The following LRRC71 variants were observed in gnomAD, a reference collection of about 807,000 sequenced individuals.
LRRC71 encodes the protein leucine rich repeat containing 71, also known as leucine-rich repeat-containing protein 71.
LRRC71 carries 54 observed loss-of-function variants against 66.6 expected under a neutral mutation model. The observed-to-expected ratio is 0.81, with a 90% CI of 0.65 to 1.02. The LOEUF (loss-of-function observed/expected upper bound fraction) is 1.02. LRRC71 is among the 50% of genes least tolerant of loss of function. The probability of loss-of-function intolerance (pLI) is 0.00; values close to 1 mark genes in which losing one functional copy is unlikely to be tolerated. For synonymous variants in LRRC71, 323 were observed against 303.9 expected (o/e 1.06, Z -0.65); for missense variants, 724 against 718.0 (o/e 1.01, Z -0.10).
downstream of LRRC71, chr1:156,935,859 C>T (rs1057152000): frequency 4.2e-6 from 4 of 961,818 alleles, no homozygotes; most frequent in African/African-American, 5.0e-5. Context: ...GGGTCTCCCC[C>T]CGGGCCTTGG....
the LRRC71 span, chr1:156,938,347 T>G: frequency 7.1e-7 from 1 of 1,414,072 alleles, no homozygotes; most frequent in East Asian, 2.4e-5. Flanking sequence ...TGGGCAGGGG[T>G]CCGACTCTGC....
At chr1:156,931,817 G>A in intron 12 of LRRC71, 99 bp from the exon 13 acceptor site, 1 of 935,332 alleles carries the variant, frequency 1.1e-6, no homozygotes, top group Non-Finnish European at 1.7e-6. Context: ...CTGGACTATA[G>A]CCGGCAGTCA....
chr1:156,927,235 G>T lies in LRRC71; in HGVS notation c.627G>T (p.Glu209Asp). ...CTCTGGAGGGGAACCCACTGCCGGA[G>T]CAGTCCTATCACAAGCTCATGGCCT... ...KVSLEGNPLPEQSYHKLMALD... is the reference protein window; with the variant it reads ...KVSLEGNPLPDQSYHKLMALD... Residue 209 changes from glutamate to aspartate, a missense_variant, in exon 6 of 15, where the codon GAG (glutamate) becomes GAT (aspartate). Transcript: ENST00000337428. 6.2e-7 allele frequency: 1 copy of T among 1,613,648 alleles called. No individual in the cohort carries two copies. Among genetic ancestry groups the T allele is most frequent in the South Asian group, 1.1e-5 (1 of 90,950 alleles).
chr1:156,940,305 T>C, the LRRC71 span: 1 of 1,613,854 alleles, frequency 6.2e-7, no homozygotes, highest in East Asian at 2.2e-5. Context: ...GTTCTCTCCA[T>C]CCAGGGATGT....
intron 9 of LRRC71, among the ~76,000 whole-genome samples, chr1:156,928,408 C>CTTCTTCTTCTTCT (rs1491124092): frequency 1.2e-3 from 41 of 34,466 alleles, no homozygotes; most frequent in Admixed American, 2.6e-3. Context: ...CTTCTTCTTC[C>CTTCTTCTTCTTCT]TCTTATTCCT....
chr1:156,929,765 G>A, intron 11 of LRRC71, 36 bp downstream of exon 11: 1 of 1,523,330 alleles, frequency 6.6e-7, no homozygotes, highest in African/African-American at 1.4e-5. Context: ...ATCTTCCTGT[G>A]TGGAGGAGGG....
chr1:156,929,063 C>T (rs1653870303), intron 9 of LRRC71, among the ~76,000 whole-genome samples: 1 of 152,172 alleles, frequency 6.6e-6, no homozygotes, highest in Admixed American at 6.5e-5. Context: ...CCTCACCCTT[C>T]ATCTCACCCC....
At chr1:156,940,187 CA>C in the LRRC71 span, 1 of 1,549,824 alleles carries the variant, frequency 6.5e-7, no homozygotes, top group Non-Finnish European at 8.7e-7. Flanking sequence ...GGGCTGACGG[CA>C]GGGCCTTGAA....
intron 2 of LRRC71, 140 bp downstream of exon 2, chr1:156,924,238 A>G: frequency 8.1e-7 from 1 of 1,227,700 alleles, no homozygotes; most frequent in Non-Finnish European, 1.1e-6. Flanking sequence ...GCCGGTGGGG[A>G]GGTGGGGGAG....
rs570343284 is a variant in LRRC71 at position 156,932,005 on chromosome 1, C to T, written c.1419C>T (p.Val473=). 6.3e-7 allele frequency: 1 copy of T among 1,597,006 alleles called. No homozygotes were observed. The highest frequency in any genetic ancestry group is 1.1e-5 in the South Asian group (1 of 87,622). The stretch of plus-strand genomic sequence containing the variant: ...AAGTTTTCATGCCTGGGAACAAGGT[C>T]CTTTTGCACCTCAACCTCATCCGTA... ...DGKVFMPGNK[V]LLHLNLIRNR... Residue 473 remains valine, a synonymous_variant, in exon 13 of 15, where the codon GTC becomes GTT. Coordinates refer to ENST00000337428, the MANE Select transcript of LRRC71 (RefSeq NM_144702.3).
chr1:156,924,290 C>T, intron 2 of LRRC71, 134 bp from the exon 3 acceptor site: 2 of 1,351,464 alleles, frequency 1.5e-6, no homozygotes, highest in South Asian at 2.9e-5. Flanking sequence ...CGCGAGTGGC[C>T]GGAGAGGCAG....
downstream of LRRC71, chr1:156,935,396 G>A (rs1654870989): frequency 6.6e-6 from 1 of 152,194 alleles, no homozygotes; most frequent in Admixed American, 6.5e-5. Context: ...TCCTGGAACT[G>A]GGTTGTTAAC....
At chr1:156,936,342 C>T (rs1173179450), downstream of LRRC71, 15 of 557,136 alleles carry the variant, frequency 2.7e-5, no homozygotes, top group East Asian at 1.6e-4. Context: ...TTAATCAGCA[C>T]GAGTCTTAGG....
chr1:156,936,084 A>T (rs1402104335), downstream of LRRC71: 1 of 1,612,888 alleles, frequency 6.2e-7, no homozygotes, highest in Non-Finnish European at 8.5e-7. Flanking sequence ...GAAGGTGAGG[A>T]ACTGGCCAGC....
intron 11 of LRRC71, among the ~76,000 whole-genome samples, chr1:156,930,089 CT>C: frequency 1.1e-5 from 1 of 88,866 alleles, no homozygotes; most frequent in African/African-American, 5.6e-5. Context: ...TTCTTTCTTT[CT>C]TTCTCTCTCT....
chr1:156,940,111 A>G, the LRRC71 span: 2 of 1,437,608 alleles, frequency 1.4e-6, no homozygotes, highest in South Asian at 1.4e-5. Flanking sequence ...CACCAGGAAG[A>G]GCCTTCGGGA....
At chr1:156,940,359 C>T in the LRRC71 span, 1 of 1,613,660 alleles carries the variant, frequency 6.2e-7, no homozygotes, top group Non-Finnish European at 8.5e-7. Context: ...CTCTGCACTG[C>T]CCTCCTGCTC....
intron 12 of LRRC71, 54 bp downstream of exon 12, chr1:156,930,671 T>C (rs1654234412): frequency 6.7e-7 from 1 of 1,488,300 alleles, no homozygotes; most frequent in Admixed American, 2.0e-5. Flanking sequence ...ATTCCAGGCT[T>C]GCCTGAGACG....
chr1:156,929,715 A>G lies in LRRC71; in HGVS notation c.1226A>G (p.Lys409Arg), dbSNP rs1653982432. The change falls in exon 11 of 15, where the codon AAG becomes AGG. Residue 409 changes from lysine to arginine, a missense_variant. By Grantham distance (26) the Lys-to-Arg change is conservative. Transcript: ENST00000337428. Reference protein sequence around the residue: ...QGTPKKEDATKAGKGKVTIPE... With the variant: ...QGTPKKEDATRAGKGKVTIPE... Reference sequence around the variant, plus strand: ...ACCCCTAAGAAGGAAGATGCCACAAAGGCAGGCAAGGGGAGTAAGTGCGGG... The same window carrying G: ...ACCCCTAAGAAGGAAGATGCCACAAGGGCAGGCAAGGGGAGTAAGTGCGGG... 6.4e-7 allele frequency: 1 copy of G among 1,566,694 alleles called. No homozygotes were observed. Among genetic ancestry groups the G allele is most frequent in the Non-Finnish European group, 8.7e-7 (1 of 1,155,936 alleles).
Sources: gnomAD v4.1 joint callset for allele counts (sites outside exome capture counted in the v4.1 genomes callset) on GRCh38, gnomAD v4.1.1 for gene constraint, MANE v1.5 for transcripts, NCBI Gene and HGNC (gene_info 2026-07-23, HGNC 2026-07-21) for gene names.